CADM2: variants seen among roughly 807,000 people sequenced by gnomAD.
The protein encoded by CADM2 is immunoglobulin superfamily member 4D.
CADM2 carries 12 observed loss-of-function variants against 49.8 expected under a neutral mutation model. The observed-to-expected ratio is 0.24, with a 90% confidence interval of 0.15 to 0.39. The LOEUF (loss-of-function observed/expected upper bound fraction) is 0.39. Among genes scored for constraint, CADM2 ranks in the 10% least tolerant of loss-of-function variants. The pLI, the probability that CADM2 is intolerant of heterozygous loss-of-function variation, is 1.00. For missense variants in CADM2, 378 were observed against 492.3 expected (o/e 0.77, Z 2.20); for synonymous variants, 214 against 175.4 (o/e 1.22, Z -1.74).
intron 1 of CADM2, among the ~76,000 whole-genome samples, chr3:85,524,581 ACTT>A (rs1168635881): frequency 2.0e-5 from 3 of 152,294 alleles, no homozygotes; most frequent in Non-Finnish European, 4.4e-5. Context: ...TTTTACAGGT[ACTT>A]GGGAAGAATG....
At chr3:85,598,726 T>C (rs188768234) in intron 1 of CADM2, among the ~76,000 whole-genome samples, 87 of 152,088 alleles carry the variant, frequency 5.7e-4, no homozygotes, top group African/African-American at 1.9e-3. Context: ...AAAAAAAATT[T>C]TAAATTCCAG....
intron 1 of CADM2, among the ~76,000 whole-genome samples, chr3:85,699,094 G>A (rs1166437409): frequency 6.6e-6 from 1 of 152,146 alleles, no homozygotes; most frequent in Non-Finnish European, 1.5e-5. Flanking sequence ...TGGGAGGACA[G>A]TGATTAAACT....
rs569040521 is a variant in CADM2 at position 85,294,064 on chromosome 3, T to C, written c.61+334396T>C. On this transcript the variant is annotated intron_variant, in intron 1 of 9. Transcript: ENST00000383699. ...CCCATTGTCTCAGCCCAACATCTTC[T>C]TAAGCTGATAAGCAACTTCAGCAAA... is the stretch of plus-strand genomic sequence containing the variant. 6.9e-3 allele frequency among the ~76,000 whole-genome samples: 1,042 copies of C among 151,894 alleles called. 10 individuals are homozygous for C. Among genetic ancestry groups the C allele is most frequent in the African/African-American group, 0.023 (956 of 41,254 alleles).
At chr3:85,510,869 C>T (rs941020615) in intron 1 of CADM2, among the ~76,000 whole-genome samples, 2 of 149,958 alleles carry the variant, frequency 1.3e-5, no homozygotes, top group African/African-American at 4.8e-5. Context: ...ACAAGGCAAT[C>T]AAAAAATAGT....
rs73132625 is a variant in CADM2, at chr3:85,922,682, T to C, written c.700+10139T>C. On this transcript the variant is annotated intron_variant, in intron 6 of 9. Coordinates refer to ENST00000383699, the MANE Select transcript of CADM2 (RefSeq NM_001167675.2). ...TTTGGTTCTTCTTTCACTAGCATTG[T>C]TAGAATGCAATACTTTAGAAACACT... Among the ~76,000 whole-genome samples the C allele has an allele frequency of 9.5e-3, 1,453 of 152,288 alleles. 14 individuals carry two copies. The highest frequency in any genetic ancestry group is 0.044 in the Middle Eastern group (13 of 294).
At chr3:85,322,676 G>C (rs898610986) in intron 1 of CADM2, among the ~76,000 whole-genome samples, 1 of 152,256 alleles carries the variant, frequency 6.6e-6, no homozygotes, top group Non-Finnish European at 1.5e-5. Flanking sequence ...GCTTTTTAAA[G>C]TATTTTTAAA....
chr3:85,057,375 A>G (rs1272184115), intron 1 of CADM2, among the ~76,000 whole-genome samples: 1 of 152,088 alleles, frequency 6.6e-6, no homozygotes, highest in African/African-American at 2.4e-5. Flanking sequence ...TATTTTATGA[A>G]ATCTTCAATT....
chr3:85,897,103 A>C (rs1468860579), intron 5 of CADM2, among the ~76,000 whole-genome samples: 1 of 152,098 alleles, frequency 6.6e-6, no homozygotes, highest in Non-Finnish European at 1.5e-5. Flanking sequence ...AAAGTAGTAA[A>C]TTTAGAAAAT....
intron 1 of CADM2, among the ~76,000 whole-genome samples, chr3:85,090,909 A>G (rs1435479673): frequency 6.6e-6 from 1 of 152,176 alleles, no homozygotes; most frequent in Non-Finnish European, 1.5e-5. Context: ...TGGAAAAATT[A>G]TCTTCCACGA....
rs190763308 is a variant in CADM2, at chr3:85,454,096, C to G, written c.62-272426C>G. 3.5e-3 allele frequency among the ~76,000 whole-genome samples: 539 copies of G among 152,104 alleles called. 1 individual carries two copies. The highest frequency in any genetic ancestry group is 5.8e-3 in the Non-Finnish European group (391 of 67,996). ...GCGGCTGGGCGTGGAGGCTCACGCC[C>G]GTAATCCAAGCATTTTGGGAGGCCG... On this transcript the variant is annotated intron_variant, in intron 1 of 9. Coordinates refer to ENST00000383699, the MANE Select transcript of CADM2 (RefSeq NM_001167675.2).
At chr3:85,657,241 A>T (rs898624876) in intron 1 of CADM2, among the ~76,000 whole-genome samples, 3 of 152,230 alleles carry the variant, frequency 2.0e-5, no homozygotes, top group African/African-American at 7.2e-5. Flanking sequence ...TTAAACCCAG[A>T]TGTGAATAAT....
intron 1 of CADM2, among the ~76,000 whole-genome samples, chr3:85,652,767 C>CTTTTGTTTTTTTTTT (rs2065081963): frequency 1.8e-5 from 1 of 56,434 alleles, no homozygotes; most frequent in Non-Finnish European, 3.7e-5. Context: ...ATCTTTTTTT[C>CTTTTGTTTTTTTTTT]TTTTCTTTTT....
At chr3:84,966,380 A>T (rs1474410341) in intron 1 of CADM2, among the ~76,000 whole-genome samples, 4 of 151,994 alleles carry the variant, frequency 2.6e-5, no homozygotes, top group Admixed American at 2.6e-4. Flanking sequence ...TAGGGCTTTC[A>T]GGGATGTATA....
intron 8 of CADM2, among the ~76,000 whole-genome samples, chr3:85,984,550 G>A (rs1210671484): frequency 6.6e-6 from 1 of 151,436 alleles, no homozygotes. Context: ...TTATACTTAG[G>A]ACAGAAAATT....
At chr3:85,854,294 A>G (rs1022406489) in intron 3 of CADM2, among the ~76,000 whole-genome samples, 14 of 152,138 alleles carry the variant, frequency 9.2e-5, no homozygotes, top group African/African-American at 2.9e-4. Flanking sequence ...TACCCAAAGG[A>G]TTATATTTCA....
intron 8 of CADM2, chr3:86,014,012 C>T (rs1731881674): frequency 1.4e-6 from 2 of 1,401,604 alleles, no homozygotes; most frequent in South Asian, 2.8e-5. Context: ...GTTCTTTTTT[C>T]CCTTGATCAC....
At chr3:85,193,298 A>T (rs1452949051) in intron 1 of CADM2, among the ~76,000 whole-genome samples, 2 of 152,002 alleles carry the variant, frequency 1.3e-5, no homozygotes, top group African/African-American at 4.8e-5. Context: ...GTGTGTCTTT[A>T]TGCTGATGAT....
chr3:85,907,519 A>G (rs1483988605), intron 5 of CADM2, among the ~76,000 whole-genome samples: 5 of 152,176 alleles, frequency 3.3e-5, no homozygotes, highest in Non-Finnish European at 5.9e-5. Context: ...AGTGTGGTCT[A>G]TTGAACTTGG....
At chr3:85,358,911 A>G (rs1259214484) in intron 1 of CADM2, among the ~76,000 whole-genome samples, 1 of 152,186 alleles carries the variant, frequency 6.6e-6, no homozygotes, top group East Asian at 1.9e-4. Context: ...GGTTGTGCTT[A>G]CTGTGACATT....
Sources: gnomAD v4.1 joint callset for allele counts (sites outside exome capture counted in the v4.1 genomes callset) on GRCh38, gnomAD v4.1.1 for gene constraint, MANE v1.5 for transcripts, NCBI Gene and HGNC (gene_info 2026-07-23, HGNC 2026-07-21) for gene names.